PRKCB: variants seen among roughly 807,000 people sequenced by gnomAD.
PRKCB encodes protein kinase C beta.
Under a neutral mutation model 81.5 loss-of-function variants are expected in PRKCB, and 13 were observed. The observed-to-expected ratio is 0.16, with a 90% confidence interval of 0.10 to 0.25. PRKCB has a LOEUF of 0.25. Ranked by LOEUF, PRKCB falls within the 10% of genes least tolerant of loss-of-function variation. The probability of loss-of-function intolerance (pLI) is 1.00; values close to 1 mark genes in which losing one functional copy is unlikely to be tolerated. For synonymous variants in PRKCB, 335 were observed against 321.4 expected (o/e 1.04, Z -0.45); for missense variants, 509 against 875.7 (o/e 0.58, Z 5.29).
intron 10 of PRKCB, 94 bp from the exon 11 acceptor site, chr16:24,172,176 G>A (rs1375683930): frequency 3.4e-6 from 3 of 892,464 alleles, no homozygotes; most frequent in Non-Finnish European, 5.4e-6. Flanking sequence ...AGCCCTGGTA[G>A]TTTTCATCAT....
At chr16:24,024,523 C>A (rs1458535160) in intron 3 of PRKCB, among the ~76,000 whole-genome samples, 2 of 152,186 alleles carry the variant, frequency 1.3e-5, no homozygotes, top group Admixed American at 1.3e-4. Flanking sequence ...TGTTAATTTT[C>A]TTGATTTAAT....
At chr16:24,046,925 C>G (rs1965773746) in intron 5 of PRKCB, among the ~76,000 whole-genome samples, 1 of 152,110 alleles carries the variant, frequency 6.6e-6, no homozygotes, top group Non-Finnish European at 1.5e-5. Context: ...AAAATCTGAG[C>G]CTGGTGTGGT....
In PRKCB at chr16:24,219,582, T is replaced by C. The variant is rs397299; in HGVS notation, c.*4766T>C. 12,173 of 1,002,332 alleles carry C rather than the reference T, an allele frequency of 0.012. 268 individuals are homozygous for C. Among genetic ancestry groups the C allele is most frequent in the African/African-American group, 0.089 (5,102 of 57,592 alleles). The allele number at this position is 1,002,332 out of a possible 1,614,324, so 62.1% of individuals were successfully genotyped here. On this transcript the variant is annotated 3_prime_UTR_variant, in exon 17 of 17. Coordinates refer to ENST00000643927, the MANE Select transcript of PRKCB (RefSeq NM_002738.7). ...TCTCCAGGACGCTCTACCTAATGAT[T>C]ATTTCTATAACATTAAGCATGGTAA...
Position 24,216,930 on chromosome 16 carries a change from T to A in PRKCB, c.*2114T>A. The A allele has an allele frequency of 1.0e-6, 1 of 985,448 alleles. No homozygotes were observed. Among genetic ancestry groups the A allele is most frequent in the Non-Finnish European group, 1.2e-6 (1 of 829,944 alleles). The allele number at this position is 985,448 out of a possible 1,614,324, so 61.0% of individuals were successfully genotyped here. A position where few individuals can be genotyped will look rare whatever the true frequency, so the allele number is the denominator to read the frequency against. The stretch of plus-strand genomic sequence containing the variant: ...TCTGTAGCAAGGCAGCAGACATCTC[T>A]GAGCCAGGCCCACCAACAGGCCCTT... On this transcript the variant is annotated 3_prime_UTR_variant, in exon 17 of 17. Coordinates refer to ENST00000643927, the MANE Select transcript of PRKCB (RefSeq NM_002738.7).
intron 8 of PRKCB, among the ~76,000 whole-genome samples, chr16:24,113,270 T>TAC: frequency 6.7e-6 from 1 of 149,118 alleles, no homozygotes; most frequent in African/African-American, 2.5e-5. Flanking sequence ...CTTTCTTCCT[T>TAC]TCTCTCTTGC....
intron 2 of PRKCB, chr16:23,893,730 T>C (rs1436189126): frequency 2.0e-5 from 3 of 152,254 alleles, no homozygotes; most frequent in Non-Finnish European, 4.4e-5. Flanking sequence ...AACATTTTAC[T>C]GTACCAAATC....
At chr16:23,958,330 G>T (rs1463342412) in intron 2 of PRKCB, among the ~76,000 whole-genome samples, 1 of 149,412 alleles carries the variant, frequency 6.7e-6, no homozygotes, top group Admixed American at 6.7e-5. Context: ...TTTGAGATGG[G>T]ATCTCACTCT....
chr16:23,971,047 A>G (rs1017622952), intron 2 of PRKCB, among the ~76,000 whole-genome samples: 7 of 152,220 alleles, frequency 4.6e-5, no homozygotes, highest in African/African-American at 1.7e-4. Context: ...TGTACTTTCT[A>G]TGGTTGTGAA....
intron 2 of PRKCB, among the ~76,000 whole-genome samples, chr16:23,945,281 C>T (rs1406527097): frequency 6.6e-6 from 1 of 152,076 alleles, no homozygotes; most frequent in East Asian, 1.9e-4. Context: ...GTGGGTGAGC[C>T]AAGGGGAAGG....
In PRKCB at chr16:24,215,142, G is replaced by A; in HGVS notation, c.*326G>A. Reference sequence around the variant, plus strand: ...CTTTCTTTCCCTCTTTTTCTGCACTGCCATATTCACCCCCAACCATCCAAT... The same window carrying A: ...CTTTCTTTCCCTCTTTTTCTGCACTACCATATTCACCCCCAACCATCCAAT... On this transcript the variant is annotated 3_prime_UTR_variant, in exon 17 of 17. Transcript: ENST00000643927. 1 of 1,084,426 alleles carries A rather than the reference G, an allele frequency of 9.2e-7. No individual in the cohort carries two copies. The highest frequency in any genetic ancestry group is 6.9e-5 in the East Asian group (1 of 14,454). The allele number at this position is 1,084,426 out of a possible 1,614,324, so 67.2% of individuals were successfully genotyped here. A position where few individuals can be genotyped will look rare whatever the true frequency, so the allele number is the denominator to read the frequency against.
chr16:24,164,777 G>T (rs1051207228), intron 10 of PRKCB, among the ~76,000 whole-genome samples: 2 of 152,192 alleles, frequency 1.3e-5, no homozygotes, highest in Non-Finnish European at 2.9e-5. Context: ...AAGTCGATAC[G>T]CAAGAAATAC....
intron 8 of PRKCB, among the ~76,000 whole-genome samples, chr16:24,118,234 A>G (rs1264766222): frequency 6.6e-6 from 1 of 152,212 alleles, no homozygotes; most frequent in East Asian, 1.9e-4. Flanking sequence ...TACCTGTAAA[A>G]TGGGGAATTA....
intron 5 of PRKCB, among the ~76,000 whole-genome samples, chr16:24,044,667 A>T (rs1380237278): frequency 6.6e-6 from 1 of 152,228 alleles, no homozygotes; most frequent in Non-Finnish European, 1.5e-5. Flanking sequence ...ACACAGCCAC[A>T]TCCATTCATT....
At chr16:24,015,209 T>C (rs1479323913) in intron 3 of PRKCB, among the ~76,000 whole-genome samples, 1 of 152,196 alleles carries the variant, frequency 6.6e-6, no homozygotes, top group Admixed American at 6.5e-5. Context: ...TCAGACAGTC[T>C]GGCCTTGAAG....
chr16:24,210,753 G>A (rs1968127154), intron 16 of PRKCB, among the ~76,000 whole-genome samples: 1 of 152,094 alleles, frequency 6.6e-6, no homozygotes, highest in Non-Finnish European at 1.5e-5. Context: ...ACCATCCTCG[G>A]CCTCTCAAAG....
intron 2 of PRKCB, among the ~76,000 whole-genome samples, chr16:23,872,407 C>T (rs569043420): frequency 2.6e-5 from 4 of 152,276 alleles, no homozygotes; most frequent in African/African-American, 4.8e-5. Flanking sequence ...TGTAGTCCTA[C>T]CTACTCGGGG....
At chr16:23,919,367 CAG>C (rs1963789842) in intron 2 of PRKCB, among the ~76,000 whole-genome samples, 1 of 137,908 alleles carries the variant, frequency 7.3e-6, no homozygotes, top group Non-Finnish European at 1.5e-5. Flanking sequence ...TATGTTAGAA[CAG>C]AGTCATGGAC....
intron 7 of PRKCB, among the ~76,000 whole-genome samples, chr16:24,108,452 AAC>A (rs1966609295): frequency 6.9e-6 from 1 of 145,572 alleles, no homozygotes; most frequent in Non-Finnish European, 1.5e-5. Context: ...TCAGCAGCTA[AAC>A]AAGTGAACAA....
At chr16:23,981,603 CCCTTT>C (rs1451162876) in intron 2 of PRKCB, among the ~76,000 whole-genome samples, 28 of 112,010 alleles carry the variant, frequency 2.5e-4, no homozygotes, top group African/African-American at 3.6e-4. Context: ...CCCTTCCCTT[CCCTTT>C]CCTTTCCCTT....
Sources: allele counts gnomAD v4.1 joint callset (sites outside exome capture counted in the v4.1 genomes callset), GRCh38; gene constraint gnomAD v4.1.1; transcripts MANE v1.5; gene names NCBI Gene and HGNC (gene_info 2026-07-23, HGNC 2026-07-21).